Variants in CDH12 observed in about 807,000 individuals in gnomAD.
CDH12 encodes cadherin-12.
CDH12 carries 41 observed loss-of-function variants against 74.1 expected under a neutral mutation model. The ratio of observed to expected loss-of-function variants is 0.55; its 90% CI spans 0.43 to 0.72. The LOEUF is 0.72. Ranked by LOEUF, CDH12 falls within the 30% of genes least tolerant of loss-of-function variation. CDH12 has a pLI of 0.00. For missense variants in CDH12, 945 were observed against 977.2 expected (o/e 0.97, Z 0.44); for synonymous variants, 399 against 355.0 (o/e 1.12, Z -1.39).
At chr5:22,289,892 A>C (rs1737308658) in intron 3 of CDH12, among the ~76,000 whole-genome samples, 1 of 152,240 alleles carries the variant, frequency 6.6e-6, no homozygotes, top group Middle Eastern at 3.4e-3. Context: ...AAGACCACAG[A>C]GTCCCAGGCT....
At position 22,135,878 on chromosome 5, in the gene CDH12, G is replaced by A. The variant is rs533835273; in HGVS notation, c.-186-57016C>T. Among the ~76,000 whole-genome samples, 132 of 151,880 alleles carry A rather than the reference G, an allele frequency of 8.7e-4. 1 individual carries two copies. The highest frequency in any genetic ancestry group is 2.1e-3 in the South Asian group (10 of 4,810). ...AGACTTGCAGTGAATTACATTTTGGGAGAGCAATGTTTTGTGTCCTGAGTG... is the reference window on the plus strand; with the variant it reads ...AGACTTGCAGTGAATTACATTTTGGAAGAGCAATGTTTTGTGTCCTGAGTG... On this transcript the variant is annotated intron_variant, in intron 4 of 14. Coordinates refer to ENST00000382254, the MANE Select transcript of CDH12 (RefSeq NM_004061.5).
chr5:21,803,322 A>G (rs1747243539), intron 9 of CDH12, among the ~76,000 whole-genome samples: 1 of 152,060 alleles, frequency 6.6e-6, no homozygotes, highest in Non-Finnish European at 1.5e-5. Context: ...CATAGTACTA[A>G]TTTAAAAAGA....
intron 1 of CDH12, among the ~76,000 whole-genome samples, chr5:22,801,642 T>G (rs1472713943): frequency 7.7e-4 from 14 of 18,194 alleles, no homozygotes; most frequent in Non-Finnish European, 1.3e-3. Context: ...TTATCATATA[T>G]ATATATATAT....
In CDH12 at chr5:21,751,130, T is replaced by C. The variant is rs1042340426; in HGVS notation, c.*607A>G. 19 of 152,778 alleles carry C rather than the reference T, an allele frequency of 1.2e-4. No homozygotes were observed. Among genetic ancestry groups the C allele is most frequent in the African/African-American group, 4.6e-4 (19 of 41,548 alleles). The allele number at this position is 152,778 out of a possible 1,614,324, so 9.5% of individuals were successfully genotyped here. On this transcript the variant is annotated 3_prime_UTR_variant, in exon 15 of 15. Transcript: ENST00000382254. ...TAAACAAATACGTTTTAGCATACAG[T>C]TTAAAAAAGAAAAAGAAAACCTTTT... is the stretch of plus-strand genomic sequence containing the variant.
intron 1 of CDH12, among the ~76,000 whole-genome samples, chr5:22,613,882 T>G (rs558414441): frequency 6.6e-6 from 1 of 152,084 alleles, no homozygotes; most frequent in African/African-American, 2.4e-5. Flanking sequence ...AAAAAAATGT[T>G]TAAGTTAACA....
chr5:22,184,603 A>G (rs1749827015), intron 4 of CDH12, among the ~76,000 whole-genome samples: 1 of 152,224 alleles, frequency 6.6e-6, no homozygotes. Flanking sequence ...AACACAGCAA[A>G]TGCTGAGAAA....
rs1221695459 is a variant in CDH12 at position 22,212,949 on chromosome 5, C to G, written c.-332-306G>C. ...GAACTACAACTATGATTATGATTTG[C>G]AAGGAGATTAGCTGCCGTGCTAGCC... On this transcript the variant is annotated intron_variant, in intron 3 of 14. Coordinates refer to ENST00000382254, the MANE Select transcript of CDH12 (RefSeq NM_004061.5). 4.6e-5 allele frequency among the ~76,000 whole-genome samples: 7 copies of G among 152,120 alleles called. No homozygotes were observed. The East Asian group carries it at 1.4e-3, about 29-fold the overall frequency.
intron 6 of CDH12, among the ~76,000 whole-genome samples, chr5:21,964,972 A>G (rs896768061): frequency 2.0e-5 from 3 of 152,040 alleles, no homozygotes; most frequent in Non-Finnish European, 4.4e-5. Context: ...GGCAGTGATG[A>G]GAACAATAAA....
At chr5:22,283,228 ATAT>A (rs1561281558) in intron 3 of CDH12, among the ~76,000 whole-genome samples, 32 of 48,206 alleles carry the variant, frequency 6.6e-4, no homozygotes, top group African/African-American at 1.7e-3. Context: ...ATATATATAT[ATAT>A]ATATATATAT....
At chr5:22,698,497 G>T (rs115463560) in intron 1 of CDH12, among the ~76,000 whole-genome samples, 1 of 150,994 alleles carries the variant, frequency 6.6e-6, no homozygotes, top group Non-Finnish European at 1.5e-5. Flanking sequence ...ATTGAAGCTC[G>T]TTAAAGCCTG....
chr5:22,428,608 T>C (rs1157351441), intron 2 of CDH12, among the ~76,000 whole-genome samples: 1 of 152,172 alleles, frequency 6.6e-6, no homozygotes, highest in East Asian at 1.9e-4. Flanking sequence ...TAGATGTAGA[T>C]AGGTTTCCTG....
At chr5:22,254,049 C>T (rs1247540064) in intron 3 of CDH12, among the ~76,000 whole-genome samples, 1 of 151,726 alleles carries the variant, frequency 6.6e-6, no homozygotes, top group Non-Finnish European at 1.5e-5. Context: ...AAAATGAACT[C>T]AAGAAGTTTG....
intron 1 of CDH12, among the ~76,000 whole-genome samples, chr5:22,765,867 C>A (rs1205347427): frequency 2.0e-5 from 3 of 151,532 alleles, no homozygotes; most frequent in African/African-American, 7.3e-5. Context: ...AGAAAGTCAA[C>A]TGCATTAAAC....
chr5:22,506,057 C>T (rs1360498860), intron 1 of CDH12, among the ~76,000 whole-genome samples: 1 of 152,094 alleles, frequency 6.6e-6, no homozygotes, highest in Admixed American at 6.6e-5. Flanking sequence ...TCTTGATCAG[C>T]TGACTGGGGT....
intron 1 of CDH12, among the ~76,000 whole-genome samples, chr5:22,775,404 T>A (rs1289801176): frequency 6.6e-6 from 1 of 152,096 alleles, no homozygotes; most frequent in Non-Finnish European, 1.5e-5. Flanking sequence ...AAATCTCATT[T>A]CAGGAACAGA....
At chr5:22,204,601 C>A (rs1484780979) in intron 4 of CDH12, among the ~76,000 whole-genome samples, 3 of 152,270 alleles carry the variant, frequency 2.0e-5, no homozygotes, top group Non-Finnish European at 4.4e-5. Flanking sequence ...TCTCATTATT[C>A]CTGGGTTAAA....
chr5:22,617,047 ATT>A (rs897415355), intron 1 of CDH12, among the ~76,000 whole-genome samples: 1 of 151,420 alleles, frequency 6.6e-6, no homozygotes, highest in South Asian at 2.1e-4. Context: ...TGTGTTTTTA[ATT>A]TTTTTTGTAC....
At position 22,269,785 on chromosome 5, in the gene CDH12, A is replaced by T. The variant is rs571377549; in HGVS notation, c.-332-57142T>A. 2.0e-5 allele frequency among the ~76,000 whole-genome samples: 3 copies of T among 152,304 alleles called. No individual in the cohort carries two copies. In the East Asian group the frequency reaches 5.8e-4, roughly 29 times the overall value. On this transcript the variant is annotated intron_variant, in intron 3 of 14. Transcript: ENST00000382254. ...TAATTTATACTTTTATATTAAGTCA[A>T]AAGTAAAAAGGTACCGAATATGTTC...
At chr5:22,297,315 C>T (rs1276302514) in intron 3 of CDH12, among the ~76,000 whole-genome samples, 1 of 152,154 alleles carries the variant, frequency 6.6e-6, no homozygotes, top group East Asian at 1.9e-4. Context: ...GCCACCGCGC[C>T]CGGCTTTCAC....
Sources: allele counts gnomAD v4.1 joint callset (sites outside exome capture counted in the v4.1 genomes callset), GRCh38; gene constraint gnomAD v4.1.1; transcripts MANE v1.5; gene names NCBI Gene and HGNC (gene_info 2026-07-23, HGNC 2026-07-21).